Variants in PCDHA9 observed in about 807,000 individuals in gnomAD.
PCDHA9 encodes the protein protocadherin alpha 9, also known as protocadherin alpha-9.
PCDHA9 carries 62 observed loss-of-function variants against 62.0 expected under a neutral mutation model. The ratio of observed to expected loss-of-function variants is 1.00; its 90% CI spans 0.81 to 1.23. The LOEUF is 1.23. Among genes scored for constraint, PCDHA9 ranks in the 50% most tolerant of loss-of-function variants. The probability of loss-of-function intolerance (pLI) is 0.00; values close to 1 mark genes in which losing one functional copy is unlikely to be tolerated. For synonymous variants in PCDHA9, 557 were observed against 567.6 expected (o/e 0.98, Z 0.27); for missense variants, 1,205 against 1,249.8 (o/e 0.96, Z 0.54).
At chr5:140,879,483 T>C (rs2153367251) in intron 1 of PCDHA9, among the ~76,000 whole-genome samples, 1 of 152,292 alleles carries the variant, frequency 6.6e-6, no homozygotes, top group Non-Finnish European at 1.5e-5. Context: ...TGATTGGAAA[T>C]ATGGGTCTGG....
chr5:140,943,491 G>A (rs1387185924), intron 1 of PCDHA9, among the ~76,000 whole-genome samples: 4 of 151,986 alleles, frequency 2.6e-5, no homozygotes, highest in Non-Finnish European at 5.9e-5. Context: ...ATAAATAGAT[G>A]CTATCAAGGT....
intron 1 of PCDHA9, chr5:140,882,822 G>C: frequency 6.2e-7 from 1 of 1,614,198 alleles, no homozygotes; most frequent in South Asian, 1.1e-5. Context: ...GCACAAAACA[G>C]TCTTGAGCAA....
chr5:140,903,884 A>C (rs1466107424), intron 1 of PCDHA9, among the ~76,000 whole-genome samples: 1 of 152,214 alleles, frequency 6.6e-6, no homozygotes, highest in Non-Finnish European at 1.5e-5. Context: ...AAGACATTGA[A>C]TCTTGACCTG....
At chr5:140,952,847 T>C (rs1199940738) in intron 1 of PCDHA9, among the ~76,000 whole-genome samples, 1 of 152,160 alleles carries the variant, frequency 6.6e-6, no homozygotes, top group Middle Eastern at 3.2e-3. Flanking sequence ...TCTGCTTGTC[T>C]TCTGGGGAGG....
In PCDHA9 at chr5:140,850,857, G is replaced by C; in HGVS notation, c.2362G>C (p.Glu788Gln). ...PCAGSTERTG[E>Q]PSASSDSTGK... Reference sequence around the variant, plus strand: ...TGCTGGATCTACAGAGCGAACGGGAGAACCCTCTGCTTCCTCAGATTCAAC... The same window carrying C: ...TGCTGGATCTACAGAGCGAACGGGACAACCCTCTGCTTCCTCAGATTCAAC... Residue 788 changes from glutamate (E) to glutamine (Q), a missense_variant, in exon 1 of 4, where the codon GAA becomes CAA. This residue lies in a region of PCDHA9 where 887 missense variants were observed against 809.5 expected (regional missense o/e 1.10). Coordinates refer to ENST00000532602, the MANE Select transcript of PCDHA9 (RefSeq NM_031857.2). The C allele has an allele frequency of 6.3e-7, 1 of 1,595,010 alleles. No homozygotes were observed. Among genetic ancestry groups the C allele is most frequent in the Non-Finnish European group, 8.6e-7 (1 of 1,165,294 alleles).
chr5:140,886,827 G>GAAAAAAAAA, intron 1 of PCDHA9, among the ~76,000 whole-genome samples: 1 of 60,890 alleles, frequency 1.6e-5, no homozygotes, highest in Non-Finnish European at 3.3e-5. Flanking sequence ...ACTTCGTCTT[G>GAAAAAAAAA]AAAAAAAAAA....
rs200153004 is a variant in PCDHA9 at position 140,870,042 on chromosome 5, G to A, written c.2394+19153G>A. 5 of 1,613,712 alleles carry A rather than the reference G, an allele frequency of 3.1e-6. No homozygotes were observed. In the East Asian group the frequency reaches 6.7e-5, roughly 22 times the overall value. On this transcript the variant is annotated intron_variant, in intron 1 of 3. Coordinates refer to ENST00000532602, the MANE Select transcript of PCDHA9 (RefSeq NM_031857.2). The stretch of plus-strand genomic sequence containing the variant: ...GAACTTTAGATTATGAAGAAAACAA[G>A]TTTTATAAAATTGAAGTACAGGCTA...
rs2150441270 is a variant in PCDHA9, at chr5:140,849,579, G to A, written c.1084G>A (p.Asp362Asn). ...IKTLSVPVKEDAQLGTVIALI... is the reference protein window; with the variant it reads ...IKTLSVPVKENAQLGTVIALI... ...AACGCTCTCGGTTCCTGTAAAAGAG[G>A]ACGCACAACTGGGGACAGTTATTGC... The change falls in exon 1 of 4, where the codon GAC becomes AAC. Residue 362 changes from aspartate (D) to asparagine (N), a missense_variant. Physicochemically the swap from Asp to Asn is conservative, Grantham distance 23. Coordinates refer to ENST00000532602, the MANE Select transcript of PCDHA9 (RefSeq NM_031857.2). 7 of 1,598,680 alleles carry A rather than the reference G, an allele frequency of 4.4e-6. 3 individuals carry two copies. The highest frequency in any genetic ancestry group is 2.2e-5 in the South Asian group (2 of 90,552).
At chr5:140,983,865 GC>G (rs2097073239) in intron 3 of PCDHA9, among the ~76,000 whole-genome samples, 1 of 152,120 alleles carries the variant, frequency 6.6e-6, no homozygotes, top group Admixed American at 6.5e-5. Context: ...GCAGCTAAGG[GC>G]CCATTTTTAC....
chr5:140,888,748 T>C (rs782271029), intron 1 of PCDHA9, among the ~76,000 whole-genome samples: 13 of 152,122 alleles, frequency 8.5e-5, no homozygotes, highest in Admixed American at 7.9e-4. Flanking sequence ...GGAATTATTC[T>C]ACCCACTTTT....
chr5:140,973,936 G>A (rs2096608372), intron 1 of PCDHA9, among the ~76,000 whole-genome samples: 1 of 152,334 alleles, frequency 6.6e-6, no homozygotes, highest in Admixed American at 6.5e-5. Context: ...AGGTTTAGCT[G>A]AATATGATGG....
intron 1 of PCDHA9, chr5:140,862,642 G>A: frequency 1.8e-6 from 1 of 540,964 alleles, no homozygotes; most frequent in South Asian, 1.4e-5. Context: ...CGACTTCACA[G>A]TGTCCGCGCG....
chr5:140,853,619 G>A lies in PCDHA9; in HGVS notation c.2394+2730G>A. 2 of 988,316 alleles carry A rather than the reference G, an allele frequency of 2.0e-6. 1 individual carries two copies. Among genetic ancestry groups the A allele is most frequent in the Non-Finnish European group, 2.4e-6 (2 of 820,378 alleles). 61.2% of individuals were successfully genotyped at this position (988,316 alleles called of 1,614,324 possible). ...AGAGCAAAGGGGGTGCTGTAAATAA[G>A]TATACAAGATCACAGACCTAAATTG... On this transcript the variant is annotated intron_variant, in intron 1 of 3. Transcript: ENST00000532602.
intron 3 of PCDHA9, among the ~76,000 whole-genome samples, chr5:141,001,681 A>G (rs2153971146): frequency 6.6e-6 from 1 of 151,672 alleles, no homozygotes; most frequent in East Asian, 2.0e-4. Context: ...GGTCCAACAA[A>G]CCCCACAGAT....
chr5:140,929,302 G>T, intron 1 of PCDHA9: 1 of 1,587,714 alleles, frequency 6.3e-7, no homozygotes, highest in Admixed American at 1.7e-5. Flanking sequence ...TAGGAAAGGG[G>T]ATCACGCTAA....
chr5:141,009,874 G>A lies in PCDHA9; in HGVS notation c.2790G>A (p.Lys930=), dbSNP rs1554262519. The A allele has an allele frequency of 6.2e-7, 1 of 1,613,836 alleles. No individual in the cohort carries two copies. Among genetic ancestry groups the A allele is most frequent in the African/African-American group, 1.3e-5 (1 of 74,824 alleles). ...CCAAGAAAAAGAAGAAAAAGAAGAA[G>A]GGTAACAAGACCCAGGAGAAAAAAG... ...EETKKKKKKK[K]GNKTQEKKEK... is the part of the protein sequence containing the mutation. Residue 930 remains lysine, a synonymous_variant, in exon 4 of 4, where the codon AAG becomes AAA. Transcript: ENST00000532602.
At chr5:140,941,317 C>T (rs1264351232) in intron 1 of PCDHA9, among the ~76,000 whole-genome samples, 5 of 99,210 alleles carry the variant, frequency 5.0e-5, no homozygotes, top group Admixed American at 1.1e-4. Flanking sequence ...TTTCTTCTTT[C>T]TCTTTTTTTT....
intron 1 of PCDHA9, chr5:140,927,842 T>A (rs201721848): frequency 1.9e-6 from 3 of 1,614,140 alleles, no homozygotes; most frequent in Admixed American, 1.7e-5. Context: ...GACGAAGGTG[T>A]CTTTGGTTTA....
chr5:140,907,708 C>T (rs1477501652), intron 1 of PCDHA9, among the ~76,000 whole-genome samples: 1 of 152,142 alleles, frequency 6.6e-6, no homozygotes, highest in East Asian at 1.9e-4. Flanking sequence ...TGTTGCTGAG[C>T]CCATGTGTAA....
Sources: gnomAD v4.1 joint callset for allele counts (sites outside exome capture counted in the v4.1 genomes callset) on GRCh38, gnomAD v4.1.1 for gene constraint, gnomAD v4.1.1 regional missense constraint, MANE v1.5 for transcripts, NCBI Gene and HGNC (gene_info 2026-07-23, HGNC 2026-07-21) for gene names.